MIR2052HG: variants seen among roughly 807,000 people sequenced by gnomAD.
MIR2052HG encodes MIR2052 host gene.
rs565762636 is a variant in MIR2052HG at position 74,754,499 on chromosome 8, C to T, written n.464+1966C>T. 9.9e-5 allele frequency among the ~76,000 whole-genome samples: 15 copies of T among 152,086 alleles called. No individual in the cohort carries two copies. The South Asian group carries it at 2.1e-3, about 21-fold the overall frequency. On this transcript the variant is annotated intron_variant and non_coding_transcript_variant, in intron 5 of 6. Transcript: ENST00000523442. ...GAGACTTGGAGCTATGAGTGTAGAACGTGGAATTTTGAGAATTTAGGGATC... is the reference window on the plus strand; with the variant it reads ...GAGACTTGGAGCTATGAGTGTAGAATGTGGAATTTTGAGAATTTAGGGATC...
intron 4 of MIR2052HG, among the ~76,000 whole-genome samples, chr8:74,719,175 G>T (rs269169): frequency 0.16 from 24,097 of 151,002 alleles, 2,592 homozygotes; most frequent in Middle Eastern, 0.3. Context: ...CTGGAATTTT[G>T]AGTGCTGCTC....
At chr8:74,623,509 G>A (rs976266872) in intron 2 of MIR2052HG, among the ~76,000 whole-genome samples, 3 of 152,180 alleles carry the variant, frequency 2.0e-5, no homozygotes, top group African/African-American at 4.8e-5. Context: ...TAAAGATCAT[G>A]ATAAAATGTG....
intron 2 of MIR2052HG, among the ~76,000 whole-genome samples, chr8:74,620,556 C>T (rs1322881518): frequency 2.0e-5 from 3 of 152,272 alleles, no homozygotes; most frequent in Non-Finnish European, 4.4e-5. Flanking sequence ...AGGCCCAACA[C>T]CATGTGTAAG....
intron 4 of MIR2052HG, among the ~76,000 whole-genome samples, chr8:74,704,913 T>C (rs1809394522): frequency 6.6e-6 from 1 of 152,156 alleles, no homozygotes. Flanking sequence ...AGGATAATTG[T>C]ATTGTTAAAA....
intron 4 of MIR2052HG, among the ~76,000 whole-genome samples, chr8:74,714,702 T>C (rs1044108157): frequency 6.7e-6 from 1 of 149,518 alleles, no homozygotes; most frequent in African/African-American, 2.5e-5. Flanking sequence ...TTCCTTCTTT[T>C]TTTTTTTTTT....
chr8:74,644,390 T>C (rs961914406), intron 2 of MIR2052HG, among the ~76,000 whole-genome samples: 1 of 152,194 alleles, frequency 6.6e-6, no homozygotes, highest in Non-Finnish European at 1.5e-5. Flanking sequence ...CTGTACAGGT[T>C]TGTGGCCTGA....
At chr8:74,616,717 T>C (rs1263785925) in intron 2 of MIR2052HG, among the ~76,000 whole-genome samples, 1 of 152,142 alleles carries the variant, frequency 6.6e-6, no homozygotes, top group East Asian at 1.9e-4. Context: ...TAGATAGACT[T>C]GTTTTCTCTG....
At chr8:74,756,598 A>G (rs907945622) in intron 5 of MIR2052HG, 2 of 152,238 alleles carry the variant, frequency 1.3e-5, no homozygotes, top group African/African-American at 2.4e-5. Context: ...TAACATTTAT[A>G]TGCCCCAGGT....
intron 2 of MIR2052HG, among the ~76,000 whole-genome samples, chr8:74,677,579 G>A (rs1396521725): frequency 6.6e-6 from 1 of 151,964 alleles, no homozygotes; most frequent in Non-Finnish European, 1.5e-5. Flanking sequence ...AAAATCATAT[G>A]TCTAAATAAT....
At chr8:74,695,442 G>C (rs1809285711) in intron 2 of MIR2052HG, among the ~76,000 whole-genome samples, 1 of 152,062 alleles carries the variant, frequency 6.6e-6, no homozygotes, top group South Asian at 2.1e-4. Flanking sequence ...ACAATGAATA[G>C]AATAGTACGT....
chr8:74,709,287 A>G (rs1809443031), intron 4 of MIR2052HG, among the ~76,000 whole-genome samples: 1 of 152,182 alleles, frequency 6.6e-6, no homozygotes, highest in Non-Finnish European at 1.5e-5. Context: ...AGTAAACTCC[A>G]GATGTGTTGA....
At chr8:74,660,908 G>A (rs528773012) in intron 2 of MIR2052HG, among the ~76,000 whole-genome samples, 4 of 152,140 alleles carry the variant, frequency 2.6e-5, no homozygotes, top group African/African-American at 7.2e-5. Flanking sequence ...GAGGAGATCC[G>A]ATGAAAACCT....
At chr8:74,624,445 A>G (rs754387696) in intron 2 of MIR2052HG, among the ~76,000 whole-genome samples, 108 of 152,340 alleles carry the variant, frequency 7.1e-4, no homozygotes, top group Admixed American at 1.4e-3. Flanking sequence ...TATTGAAATG[A>G]AGCATTTGCT....
At chr8:74,631,264 G>A (rs2128734159) in intron 2 of MIR2052HG, among the ~76,000 whole-genome samples, 1 of 152,300 alleles carries the variant, frequency 6.6e-6, no homozygotes, top group East Asian at 1.9e-4. Context: ...GAGTAGGAGG[G>A]AAATTAAATA....
intron 4 of MIR2052HG, among the ~76,000 whole-genome samples, chr8:74,713,767 A>G (rs530034518): frequency 6.6e-6 from 1 of 152,276 alleles, no homozygotes; most frequent in Non-Finnish European, 1.5e-5. Context: ...ATTTTGCATT[A>G]TTCTCTAACT....
intron 2 of MIR2052HG, among the ~76,000 whole-genome samples, chr8:74,637,920 G>A (rs936372142): frequency 3.9e-5 from 6 of 152,136 alleles, no homozygotes; most frequent in African/African-American, 1.4e-4. Flanking sequence ...CAGAATATGT[G>A]TTTGACTCTA....
At chr8:74,728,351 G>A (rs1238228364) in intron 4 of MIR2052HG, among the ~76,000 whole-genome samples, 8 of 152,180 alleles carry the variant, frequency 5.3e-5, no homozygotes, top group Admixed American at 5.2e-4. Flanking sequence ...ATCTGAGATT[G>A]TCAGAATAAT....
intron 2 of MIR2052HG, among the ~76,000 whole-genome samples, chr8:74,652,153 A>C (rs1808759957): frequency 1.3e-5 from 2 of 152,202 alleles, no homozygotes; most frequent in African/African-American, 4.8e-5. Flanking sequence ...AATATTTCAC[A>C]TTACAGACTG....
chr8:74,709,138 G>A (rs1199538300), intron 4 of MIR2052HG, among the ~76,000 whole-genome samples: 11 of 152,098 alleles, frequency 7.2e-5, no homozygotes, highest in Admixed American at 3.9e-4. Context: ...ATTAGACAAG[G>A]GAAAAGAGGT....
Sources: allele counts gnomAD v4.1 joint callset (sites outside exome capture counted in the v4.1 genomes callset), GRCh38; gene constraint gnomAD v4.1.1; transcripts MANE v1.5; gene names NCBI Gene and HGNC (gene_info 2026-07-23, HGNC 2026-07-21).